The following RAD23B variants were observed in gnomAD, a reference collection of about 807,000 sequenced individuals.
The protein encoded by RAD23B is RAD23 nucleotide excision repair protein B.
RAD23B carries 5 observed loss-of-function variants against 49.1 expected under a neutral mutation model. The ratio of observed to expected loss-of-function variants is 0.10; its 90% CI spans 0.05 to 0.21. The LOEUF is 0.21. RAD23B is among the 10% of genes least tolerant of loss of function. The pLI is 1.00. For missense variants in RAD23B, 356 were observed against 486.7 expected (o/e 0.73, Z 2.53); for synonymous variants, 184 against 165.4 (o/e 1.11, Z -0.86).
chr9:107,319,670 GA>G, intron 6 of RAD23B, among the ~76,000 whole-genome samples: 1 of 152,150 alleles, frequency 6.6e-6, no homozygotes, highest in African/African-American at 2.4e-5. Flanking sequence ...TGCATTTAAT[GA>G]ATGATGTTAC....
chr9:107,317,724 G>A (rs1250761401), intron 5 of RAD23B, among the ~76,000 whole-genome samples: 2 of 151,658 alleles, frequency 1.3e-5, no homozygotes, highest in Admixed American at 6.6e-5. Context: ...AACACAAGCA[G>A]AAGAAAGGAT....
chr9:107,324,788 CTT>C (rs761653092), intron 8 of RAD23B, 44 bp from the exon 9 acceptor site: 4 of 1,493,744 alleles, frequency 2.7e-6, no homozygotes, highest in Non-Finnish European at 3.6e-6. Context: ...CCTGCAGATA[CTT>C]AATATCAGTG....
At chr9:107,301,769 G>C (rs1826659337) in intron 2 of RAD23B, among the ~76,000 whole-genome samples, 1 of 151,858 alleles carries the variant, frequency 6.6e-6, no homozygotes, top group African/African-American at 2.4e-5. Flanking sequence ...TCAAACTCCT[G>C]GCCTCAAGCT....
At chr9:107,304,727 C>T (rs549475984) in intron 3 of RAD23B, among the ~76,000 whole-genome samples, 5 of 152,208 alleles carry the variant, frequency 3.3e-5, no homozygotes, top group African/African-American at 4.8e-5. Context: ...AAACAGGTAG[C>T]GAGCATTGAG....
At chr9:107,323,854 A>T in intron 7 of RAD23B, 36 bp from the exon 8 acceptor site, 1 of 1,526,736 alleles carries the variant, frequency 6.5e-7, no homozygotes, top group Non-Finnish European at 8.9e-7. Flanking sequence ...GTATGTATTT[A>T]CTGCTTTTGT....
intron 9 of RAD23B, among the ~76,000 whole-genome samples, chr9:107,326,754 C>G (rs1360896192): frequency 6.6e-6 from 1 of 150,728 alleles, no homozygotes; most frequent in Non-Finnish European, 1.5e-5. Flanking sequence ...CTGCCTCAGC[C>G]TCCCGAGTAG....
At chr9:107,294,725 A>T (rs1162049060) in intron 1 of RAD23B, among the ~76,000 whole-genome samples, 2 of 152,214 alleles carry the variant, frequency 1.3e-5, no homozygotes, top group African/African-American at 2.4e-5. Context: ...TGTTCAGTAG[A>T]GAGTTAAGTG....
chr9:107,329,047 T>C (rs1241093574), intron 9 of RAD23B, among the ~76,000 whole-genome samples: 1 of 152,202 alleles, frequency 6.6e-6, no homozygotes, highest in Non-Finnish European at 1.5e-5. Flanking sequence ...AGAGTGATGT[T>C]TGATCCAAAT....
chr9:107,325,475 T>G (rs1223089549), intron 9 of RAD23B, among the ~76,000 whole-genome samples: 1 of 152,176 alleles, frequency 6.6e-6, no homozygotes, highest in East Asian at 1.9e-4. Context: ...TTAAAATTAT[T>G]TCGAAGTATT....
chr9:107,301,332 A>G (rs946172700), intron 2 of RAD23B, among the ~76,000 whole-genome samples: 15 of 152,224 alleles, frequency 9.9e-5, no homozygotes, highest in Non-Finnish European at 1.6e-4. Flanking sequence ...TCTTCATATC[A>G]TAAAAGAATA....
intron 4 of RAD23B, 51 bp from the exon 5 acceptor site, chr9:107,311,626 GTAAAT>G: frequency 1.6e-6 from 2 of 1,279,216 alleles, no homozygotes; most frequent in South Asian, 1.4e-5. Flanking sequence ...CTAAACTAAT[GTAAAT>G]TAAATTTTAT....
In RAD23B at chr9:107,323,890, G is replaced by T; in HGVS notation, c.818G>T (p.Gly273Val). The T allele has an allele frequency of 6.2e-7, 1 of 1,604,970 alleles. No homozygotes were observed. Among genetic ancestry groups the T allele is most frequent in the South Asian group, 1.1e-5 (1 of 90,890 alleles). ...TATTTTTSSG[G>V]HPLEFLRNQP... ...TTAGAAATGTTTATGTGTATTTTAG[G>T]ACATCCCCTTGAATTTTTACGGAAT... Residue 273 changes from glycine to valine, a missense_variant and splice_region_variant, in exon 8 of 10, where the codon GGA (glycine) becomes GTA (valine). Physicochemically the swap from Gly to Val is moderately radical, Grantham distance 109. This residue lies in a region of RAD23B where 148 missense variants were observed against 231.7 expected (regional missense o/e 0.64). Coordinates refer to ENST00000358015, the MANE Select transcript of RAD23B (RefSeq NM_002874.5).
In RAD23B at chr9:107,324,701, T is replaced by C. The variant is rs1300449217; in HGVS notation, c.946-133T>C. The C allele has an allele frequency of 1.0e-5, 9 of 883,524 alleles. No homozygotes were observed. In the African/African-American group the frequency reaches 1.4e-4, roughly 14 times the overall value. 54.7% of individuals were successfully genotyped at this position (883,524 alleles called of 1,614,324 possible). On this transcript the variant is annotated intron_variant, in intron 8 of 9. Coordinates refer to ENST00000358015, the MANE Select transcript of RAD23B (RefSeq NM_002874.5). ...TAAGAAATCACATCCTTCCAAAGAC[T>C]GAATAATCCAGAATCACTAAATTAC...
intron 6 of RAD23B, among the ~76,000 whole-genome samples, chr9:107,319,811 GAAACCCTT>G (rs1827074208): frequency 6.6e-6 from 1 of 152,272 alleles, no homozygotes; most frequent in African/African-American, 2.4e-5. Flanking sequence ...GACATCAACT[GAAACCCTT>G]GGTATTAAGA....
At chr9:107,307,170 T>G (rs1031760529) in intron 4 of RAD23B, among the ~76,000 whole-genome samples, 1 of 152,234 alleles carries the variant, frequency 6.6e-6, no homozygotes, top group Admixed American at 6.5e-5. Context: ...TGTATCTGTA[T>G]CTTTGTGAAC....
intron 5 of RAD23B, 131 bp downstream of exon 5, chr9:107,311,868 G>A: frequency 3.0e-6 from 2 of 669,592 alleles, no homozygotes; most frequent in Admixed American, 7.3e-5. Context: ...GATTGATTTA[G>A]GTAATTATTC....
intron 1 of RAD23B, among the ~76,000 whole-genome samples, chr9:107,298,526 T>G (rs2133071914): frequency 7.0e-6 from 1 of 142,408 alleles, no homozygotes; most frequent in African/African-American, 2.8e-5. Flanking sequence ...AGACAGGGTT[T>G]TACCATGTTA....
intron 1 of RAD23B, among the ~76,000 whole-genome samples, chr9:107,296,168 C>T (rs1449164993): frequency 6.6e-6 from 1 of 152,080 alleles, no homozygotes; most frequent in Non-Finnish European, 1.5e-5. Context: ...GGAACAATGC[C>T]AGAATTTTAG....
In RAD23B at chr9:107,306,652, G is replaced by C; in HGVS notation, c.497+5G>C. Reference sequence around the variant, plus strand: ...TAGCCCAACAGCAACTGACAGGTAGGAACTGGATTCTAGGACATTCTATCT... The same window carrying C: ...TAGCCCAACAGCAACTGACAGGTAGCAACTGGATTCTAGGACATTCTATCT... On this transcript the variant is annotated splice_donor_5th_base_variant and intron_variant, in intron 4 of 9. Coordinates refer to ENST00000358015, the MANE Select transcript of RAD23B (RefSeq NM_002874.5). The C allele has an allele frequency of 1.2e-6, 2 of 1,609,606 alleles. No individual in the cohort carries two copies. Among genetic ancestry groups the C allele is most frequent in the South Asian group, 1.1e-5 (1 of 90,726 alleles).
Sources: gnomAD v4.1 joint callset for allele counts (sites outside exome capture counted in the v4.1 genomes callset) on GRCh38, gnomAD v4.1.1 for gene constraint, gnomAD v4.1.1 regional missense constraint, MANE v1.5 for transcripts, NCBI Gene and HGNC (gene_info 2026-07-23, HGNC 2026-07-21) for gene names.